MTRF1: variants seen among roughly 807,000 people sequenced by gnomAD.
MTRF1 encodes mitochondrial translation release factor 1.
A neutral mutation model predicts 62.9 loss-of-function variants in MTRF1; 51 were observed. The ratio of observed to expected loss-of-function variants is 0.81; its 90% confidence interval spans 0.65 to 1.02. The LOEUF is 1.02. MTRF1 is among the 50% of genes least tolerant of loss of function. The pLI is 0.00. For synonymous variants in MTRF1, 158 were observed against 181.9 expected (o/e 0.87, Z 1.06); for missense variants, 446 against 530.0 (o/e 0.84, Z 1.56).
the MTRF1 span, chr13:41,311,252 C>T: frequency 2.2e-3 from 1,145 of 528,788 alleles, 2 homozygotes; most frequent in Non-Finnish European, 3.2e-3. Context: ...GGAGGCGGAC[C>T]CTGGCTGCCA....
At chr13:41,301,349 G>A in the MTRF1 span, among the ~76,000 whole-genome samples, 2 of 152,092 alleles carry the variant, frequency 1.3e-5, no homozygotes, top group South Asian at 2.1e-4. Flanking sequence ...TGGGGGAATC[G>A]CAGAATGGTG....
At chr13:41,236,030 C>CACAG in intron 6 of MTRF1, 1 of 151,514 alleles carries the variant, frequency 6.6e-6, no homozygotes, top group East Asian at 1.9e-4. Flanking sequence ...TATACACAGA[C>CACAG]ACAGACAGAC....
the MTRF1 span, among the ~76,000 whole-genome samples, chr13:41,291,136 G>T: frequency 6.6e-6 from 1 of 151,414 alleles, no homozygotes; most frequent in Non-Finnish European, 1.5e-5. Flanking sequence ...GAAAAAAGTT[G>T]CCTCTATTCA....
the MTRF1 span, among the ~76,000 whole-genome samples, chr13:41,277,602 A>G: frequency 1.3e-4 from 20 of 152,194 alleles, no homozygotes; most frequent in African/African-American, 4.6e-4. Context: ...TGTCCTCTTC[A>G]GGAGCACCAC....
chr13:41,294,701 G>A, the MTRF1 span, among the ~76,000 whole-genome samples: 1 of 152,124 alleles, frequency 6.6e-6, no homozygotes, highest in Non-Finnish European at 1.5e-5. Context: ...CAAAAGTATA[G>A]GATAAAGCAG....
intron 9 of MTRF1, among the ~76,000 whole-genome samples, chr13:41,219,366 T>A (rs943417914): frequency 6.6e-6 from 1 of 151,874 alleles, no homozygotes; most frequent in African/African-American, 2.4e-5. Flanking sequence ...GGAATTGATG[T>A]AAAAGGATTA....
chr13:41,282,216 C>T, the MTRF1 span, among the ~76,000 whole-genome samples: 129 of 151,606 alleles, frequency 8.5e-4, no homozygotes, highest in African/African-American at 2.8e-3. Context: ...AGGCTAATGG[C>T]GATTGCAGAA....
the MTRF1 span, among the ~76,000 whole-genome samples, chr13:41,282,840 C>T: frequency 6.6e-6 from 1 of 152,126 alleles, no homozygotes; most frequent in Non-Finnish European, 1.5e-5. Context: ...AGGGCTATGC[C>T]CCATATGGGC....
At chr13:41,246,386 G>A (rs1206756040) in intron 5 of MTRF1, among the ~76,000 whole-genome samples, 2 of 152,074 alleles carry the variant, frequency 1.3e-5, no homozygotes, top group East Asian at 1.9e-4. Context: ...TACTGCAGCT[G>A]CCATCTTCCT....
chr13:41,235,894 ATT>A (rs1385554565), intron 6 of MTRF1: 3 of 149,864 alleles, frequency 2.0e-5, no homozygotes, highest in Admixed American at 1.3e-4. Flanking sequence ...ATATGTTTTT[ATT>A]TTGTTTGTTT....
chr13:41,265,099 G>A (rs74698714), upstream of MTRF1, among the ~76,000 whole-genome samples: 12 of 152,134 alleles, frequency 7.9e-5, no homozygotes, highest in African/African-American at 2.9e-4. Context: ...TATAACTTGA[G>A]TATTATATAT....
intron 8 of MTRF1, among the ~76,000 whole-genome samples, chr13:41,225,368 T>C (rs1566066994): frequency 6.6e-6 from 1 of 152,202 alleles, no homozygotes; most frequent in Non-Finnish European, 1.5e-5. Flanking sequence ...CCAGGGTATA[T>C]TGTTTGCTTG....
the MTRF1 span, among the ~76,000 whole-genome samples, chr13:41,277,586 C>T: frequency 1.3e-5 from 2 of 152,132 alleles, no homozygotes; most frequent in Non-Finnish European, 2.9e-5. Context: ...ATGTGTGAAG[C>T]TTTTATGTCC....
At chr13:41,290,845 C>A in the MTRF1 span, among the ~76,000 whole-genome samples, 1 of 151,018 alleles carries the variant, frequency 6.6e-6, no homozygotes, top group East Asian at 2.0e-4. Flanking sequence ...GTAATCCCAG[C>A]ACTTTGGGAG....
chr13:41,286,618 A>G, the MTRF1 span, among the ~76,000 whole-genome samples: 1 of 152,210 alleles, frequency 6.6e-6, no homozygotes, highest in Non-Finnish European at 1.5e-5. Flanking sequence ...TCTCTACTTC[A>G]TATCTTATCA....
chr13:41,297,769 G>T, the MTRF1 span, among the ~76,000 whole-genome samples: 3 of 151,816 alleles, frequency 2.0e-5, no homozygotes, highest in African/African-American at 7.3e-5. Context: ...TAGAGATGGG[G>T]TTTCACCATG....
the MTRF1 span, chr13:41,311,644 A>G: frequency 6.6e-7 from 1 of 1,517,266 alleles, no homozygotes; most frequent in South Asian, 1.2e-5. Flanking sequence ...CTTAAGGGCA[A>G]GCGGTCTGGC....
At chr13:41,242,457 G>A (rs1393077735) in intron 5 of MTRF1, among the ~76,000 whole-genome samples, 1 of 152,138 alleles carries the variant, frequency 6.6e-6, no homozygotes, top group Non-Finnish European at 1.5e-5. Context: ...GAGAAAAATA[G>A]TATTTGAAAA....
At chr13:41,307,971 G>T in the MTRF1 span, among the ~76,000 whole-genome samples, 1 of 152,082 alleles carries the variant, frequency 6.6e-6, no homozygotes, top group Non-Finnish European at 1.5e-5. Flanking sequence ...TAGTATTTGG[G>T]ATTGCAGATT....
Sources: allele counts gnomAD v4.1 joint callset (sites outside exome capture counted in the v4.1 genomes callset), GRCh38; gene constraint gnomAD v4.1.1; transcripts MANE v1.5; gene names NCBI Gene and HGNC (gene_info 2026-07-23, HGNC 2026-07-21).